Variants in ADAMTSL3 observed in about 807,000 individuals in gnomAD.
The protein encoded by ADAMTSL3 is ADAMTS like 3.
In ADAMTSL3, 128 loss-of-function variants were observed where a neutral mutation model predicts 201.7. That is an observed-to-expected ratio of 0.63 (90% CI 0.55 to 0.73). The LOEUF is 0.73. Among genes scored for constraint, ADAMTSL3 ranks in the 30% least tolerant of loss-of-function variants. ADAMTSL3 has a pLI of 0.00. For missense variants in ADAMTSL3, 1,990 were observed against 2,119.6 expected (o/e 0.94, Z 1.20); for synonymous variants, 738 against 748.4 (o/e 0.99, Z 0.23).
chr15:83,678,213 C>A (rs1031999971), intron 2 of ADAMTSL3, among the ~76,000 whole-genome samples: 1 of 152,054 alleles, frequency 6.6e-6, no homozygotes, highest in Non-Finnish European at 1.5e-5. Context: ...ATTATCTTCA[C>A]CCCTATTTTT....
chr15:83,801,682 A>G (rs1596235784), intron 4 of ADAMTSL3, among the ~76,000 whole-genome samples: 1 of 66,332 alleles, frequency 1.5e-5, no homozygotes, highest in Non-Finnish European at 3.3e-5. Flanking sequence ...ATATATATAT[A>G]TATATATATA....
chr15:83,749,531 C>A (rs2062604372), intron 3 of ADAMTSL3, among the ~76,000 whole-genome samples: 1 of 152,088 alleles, frequency 6.6e-6, no homozygotes, highest in Admixed American at 6.5e-5. Context: ...TTTGGAAGTG[C>A]AGTAGGAGGT....
intron 19 of ADAMTSL3, among the ~76,000 whole-genome samples, chr15:83,945,502 G>T (rs1387941404): frequency 6.6e-6 from 1 of 152,336 alleles, no homozygotes; most frequent in Non-Finnish European, 1.5e-5. Context: ...AGGTCAGGCA[G>T]TGGGGGCTGG....
At chr15:83,707,447 T>C (rs1011625317) in intron 3 of ADAMTSL3, among the ~76,000 whole-genome samples, 1 of 152,234 alleles carries the variant, frequency 6.6e-6, no homozygotes, top group Non-Finnish European at 1.5e-5. Flanking sequence ...TAATTTTTTA[T>C]TGAGCTATAA....
intron 15 of ADAMTSL3, among the ~76,000 whole-genome samples, chr15:83,906,668 A>G (rs953229911): frequency 2.6e-5 from 3 of 117,226 alleles, no homozygotes; most frequent in African/African-American, 6.5e-5. Flanking sequence ...ACACACACAC[A>G]CACACACACA....
intron 17 of ADAMTSL3, among the ~76,000 whole-genome samples, chr15:83,932,648 T>G (rs2066382776): frequency 1.3e-5 from 2 of 152,138 alleles, no homozygotes; most frequent in South Asian, 4.2e-4. Context: ...AAGTAGCCCT[T>G]TATGTAGGAG....
Position 83,982,728 on chromosome 15 carries a change from AG to A in ADAMTSL3, c.3102del (p.Arg1034SerfsTer23), listed in dbSNP as rs1199911278. ...NSLGVTWHKM[R>X]QMWNNKNDLY... ...TTTGGGAGTCACATGGCACAAAATG[AG>A]GCAAATGTGGAATAACAAAAATGAC... is the stretch of plus-strand genomic sequence containing the variant. On this transcript the variant is annotated frameshift_variant, in exon 21 of 30. Coordinates refer to ENST00000286744, the MANE Select transcript of ADAMTSL3 (RefSeq NM_207517.3). LOFTEE classifies it high-confidence loss of function. The A allele has an allele frequency of 6.2e-7, 1 of 1,613,994 alleles. No homozygotes were observed. The highest frequency in any genetic ancestry group is 8.5e-7 in the Non-Finnish European group (1 of 1,180,040).
At chr15:83,822,048 G>A (rs1258008096) in intron 6 of ADAMTSL3, among the ~76,000 whole-genome samples, 1 of 145,218 alleles carries the variant, frequency 6.9e-6, no homozygotes, top group African/African-American at 2.6e-5. Context: ...CGGGCAGAGG[G>A]GCTCCTCACT....
chr15:84,002,627 C>T (rs916844462), intron 23 of ADAMTSL3, among the ~76,000 whole-genome samples: 1 of 152,134 alleles, frequency 6.6e-6, no homozygotes, highest in Non-Finnish European at 1.5e-5. Context: ...GGTTTTCAGA[C>T]TATAGATTCC....
intron 19 of ADAMTSL3, among the ~76,000 whole-genome samples, chr15:83,945,507 G>A (rs1285227651): frequency 6.6e-6 from 1 of 152,162 alleles, no homozygotes; most frequent in Non-Finnish European, 1.5e-5. Flanking sequence ...AGGCAGTGGG[G>A]GCTGGGCAAA....
chr15:83,847,495 C>CT (rs34900690), intron 7 of ADAMTSL3, among the ~76,000 whole-genome samples: 47,323 of 137,856 alleles, frequency 0.34, 8,974 homozygotes, highest in East Asian at 0.56. Flanking sequence ...TGCCAGGTAA[C>CT]TTTTTTTTTT....
At chr15:83,901,040 T>C (rs1171347340) in intron 15 of ADAMTSL3, among the ~76,000 whole-genome samples, 2 of 152,152 alleles carry the variant, frequency 1.3e-5, no homozygotes, top group Non-Finnish European at 2.9e-5. Context: ...GTGGGTTACT[T>C]TGCTTTGAGA....
chr15:83,779,667 C>T (rs967266820), intron 4 of ADAMTSL3, among the ~76,000 whole-genome samples: 3 of 136,118 alleles, frequency 2.2e-5, no homozygotes, highest in African/African-American at 8.6e-5. Context: ...CACTGCACTC[C>T]AGCCTGGGCA....
intron 4 of ADAMTSL3, among the ~76,000 whole-genome samples, chr15:83,798,320 G>A (rs1284806794): frequency 6.6e-6 from 1 of 152,142 alleles, no homozygotes; most frequent in African/African-American, 2.4e-5. Context: ...ATTTAAACAG[G>A]TATCTGAGGG....
chr15:83,716,125 A>G (rs538201596), intron 3 of ADAMTSL3, among the ~76,000 whole-genome samples: 14 of 152,340 alleles, frequency 9.2e-5, no homozygotes, highest in African/African-American at 3.4e-4. Flanking sequence ...ATGGACATGG[A>G]ATAGCTAGAT....
At chr15:83,795,260 G>A (rs571289043) in intron 4 of ADAMTSL3, among the ~76,000 whole-genome samples, 2,271 of 92,870 alleles carry the variant, frequency 0.024, 55 homozygotes, top group African/African-American at 0.11. Flanking sequence ...AACAACAGCA[G>A]CAGCAACAAC....
At chr15:83,899,904 G>C (rs2065690575) in intron 15 of ADAMTSL3, among the ~76,000 whole-genome samples, 173 bp downstream of exon 15, 1 of 152,178 alleles carries the variant, frequency 6.6e-6, no homozygotes, top group African/African-American at 2.4e-5. Flanking sequence ...CAATTCAGCA[G>C]TCCTCCTTTG....
chr15:83,666,421 TGC>T (rs1463799063), intron 2 of ADAMTSL3, among the ~76,000 whole-genome samples: 38 of 152,226 alleles, frequency 2.5e-4, no homozygotes, highest in African/African-American at 9.2e-4. Flanking sequence ...TTGATGTCTA[TGC>T]TTACCTTGCA....
intron 2 of ADAMTSL3, among the ~76,000 whole-genome samples, chr15:83,688,622 T>C (rs546767240): frequency 6.6e-6 from 1 of 152,216 alleles, no homozygotes; most frequent in East Asian, 1.9e-4. Flanking sequence ...TTTAGGTGCA[T>C]TGAGGGAGGA....
Sources: gnomAD v4.1 joint callset for allele counts (sites outside exome capture counted in the v4.1 genomes callset) on GRCh38, gnomAD v4.1.1 for gene constraint, MANE v1.5 for transcripts, NCBI Gene and HGNC (gene_info 2026-07-23, HGNC 2026-07-21) for gene names.